Variants in TMEM132B observed in about 807,000 individuals in gnomAD.
TMEM132B encodes transmembrane protein 132B.
A neutral mutation model predicts 90.8 loss-of-function variants in TMEM132B; 18 were observed. The ratio of observed to expected loss-of-function variants is 0.20; its 90% CI spans 0.14 to 0.29. The LOEUF is 0.29. Ranked by LOEUF, TMEM132B falls within the 10% of genes least tolerant of loss-of-function variation. TMEM132B has a pLI of 1.00. For synonymous variants in TMEM132B, 504 were observed against 523.3 expected, an observed-to-expected ratio of 0.96 and a Z score of 0.50; for missense variants, 1,096 against 1,326.8, an observed-to-expected ratio of 0.83 and a Z score of 2.70.
intron 4 of TMEM132B, among the ~76,000 whole-genome samples, chr12:125,553,059 T>A (rs1423360133): frequency 6.6e-6 from 1 of 152,232 alleles, no homozygotes; most frequent in African/African-American, 2.4e-5. Flanking sequence ...ATTTAGGATT[T>A]TACTAGGACA....
At chr12:125,609,614 G>A (rs947358109) in intron 5 of TMEM132B, among the ~76,000 whole-genome samples, 1 of 151,810 alleles carries the variant, frequency 6.6e-6, no homozygotes, top group African/African-American at 2.4e-5. Context: ...AGGAGATCCA[G>A]ACCATCCTGG....
At chr12:125,382,227 C>T (rs189765720) in intron 2 of TMEM132B, among the ~76,000 whole-genome samples, 13 of 152,304 alleles carry the variant, frequency 8.5e-5, no homozygotes, top group Admixed American at 7.2e-4. Flanking sequence ...TCTCCAGGCT[C>T]CTAAAGTGCA....
At chr12:125,312,126 T>A (rs1876138457) in intron 1 of TMEM132B, among the ~76,000 whole-genome samples, 1 of 152,224 alleles carries the variant, frequency 6.6e-6, no homozygotes, top group Non-Finnish European at 1.5e-5. Flanking sequence ...TGCTGTCAGA[T>A]CTTCCAGTTT....
intron 4 of TMEM132B, among the ~76,000 whole-genome samples, chr12:125,542,629 AAGGCTCATCCATGT>A (rs1162661251): frequency 6.6e-6 from 1 of 152,164 alleles, no homozygotes; most frequent in Non-Finnish European, 1.5e-5. Context: ...TGTTGTCCTC[AAGGCTCATCCATGT>A]AGCATGTGTC....
intron 1 of TMEM132B, among the ~76,000 whole-genome samples, chr12:125,287,355 C>A (rs909072605): frequency 9.9e-5 from 15 of 152,168 alleles, no homozygotes; most frequent in Non-Finnish European, 1.9e-4. Context: ...AACATCTTCA[C>A]AGGTTCTGGG....
intron 3 of TMEM132B, among the ~76,000 whole-genome samples, chr12:125,424,912 G>GGGATTCTTGCTAAGCCTACTTA (rs1415057171): frequency 1.3e-5 from 2 of 152,134 alleles, no homozygotes; most frequent in African/African-American, 4.8e-5. Context: ...CAAGGGTAGG[G>GGGATTCTTGCTAAGCCTACTTA]GGATTCTTGC....
chr12:125,242,899 T>G (rs1373440948), intron 1 of TMEM132B, among the ~76,000 whole-genome samples: 1 of 152,040 alleles, frequency 6.6e-6, no homozygotes, highest in Non-Finnish European at 1.5e-5. Context: ...CACTTTGCTG[T>G]GCAGCCACCA....
intron 3 of TMEM132B, among the ~76,000 whole-genome samples, chr12:125,420,666 T>C (rs960479109): frequency 6.6e-6 from 1 of 152,242 alleles, no homozygotes. Context: ...TCATTACATA[T>C]GCAAGTTTCT....
At chr12:125,434,640 G>A (rs1814500) in intron 3 of TMEM132B, among the ~76,000 whole-genome samples, 83,850 of 152,014 alleles carry the variant, frequency 0.55, 24,973 homozygotes, top group African/African-American at 0.79. Context: ...GTCAGACGTC[G>A]CGTTCCATCG....
At chr12:125,286,891 C>T (rs1005556771) in intron 1 of TMEM132B, among the ~76,000 whole-genome samples, 3 of 152,184 alleles carry the variant, frequency 2.0e-5, no homozygotes, top group East Asian at 1.9e-4. Flanking sequence ...TTAGTAGAGA[C>T]GAGGTTTCAC....
At chr12:125,374,302 G>C (rs568049420) in intron 2 of TMEM132B, among the ~76,000 whole-genome samples, 6 of 152,278 alleles carry the variant, frequency 3.9e-5, no homozygotes, top group African/African-American at 1.4e-4. Context: ...TCTGTCTGGA[G>C]GCTCATTCTT....
At chr12:125,430,449 T>G (rs1181946179) in intron 3 of TMEM132B, among the ~76,000 whole-genome samples, 3 of 152,188 alleles carry the variant, frequency 2.0e-5, no homozygotes, top group African/African-American at 4.8e-5. Flanking sequence ...GAAATGCTGT[T>G]GGCTCTGAGA....
At chr12:125,266,367 C>T (rs1874695025) in intron 1 of TMEM132B, among the ~76,000 whole-genome samples, 1 of 152,238 alleles carries the variant, frequency 6.6e-6, no homozygotes, top group African/African-American at 2.4e-5. Context: ...TGAGCATTGA[C>T]TTATGTGAAT....
At chr12:125,449,149 A>G (rs1344183824) in intron 3 of TMEM132B, among the ~76,000 whole-genome samples, 1 of 151,784 alleles carries the variant, frequency 6.6e-6, no homozygotes, top group African/African-American at 2.4e-5. Flanking sequence ...TTGTATTTTT[A>G]GTTGAGATGG....
intron 3 of TMEM132B, among the ~76,000 whole-genome samples, chr12:125,447,670 T>C (rs921841367): frequency 2.6e-5 from 4 of 152,234 alleles, no homozygotes; most frequent in Admixed American, 2.0e-4. Context: ...ATAGGTATTC[T>C]ATTTAGTAGT....
At chr12:125,524,265 G>T (rs1236806191) in intron 4 of TMEM132B, among the ~76,000 whole-genome samples, 1 of 152,252 alleles carries the variant, frequency 6.6e-6, no homozygotes, top group Non-Finnish European at 1.5e-5. Context: ...AGTCATGTAT[G>T]TAAAGGGAAA....
chr12:125,231,773 A>C (rs550896868), intron 1 of TMEM132B, among the ~76,000 whole-genome samples: 6,363 of 152,016 alleles, frequency 0.042, 146 homozygotes, highest in Non-Finnish European at 0.049. Context: ...TAAAAAAAAA[A>C]CCCAAAGGCT....
chr12:125,564,833 C>T (rs996370953), intron 4 of TMEM132B, among the ~76,000 whole-genome samples: 4 of 152,328 alleles, frequency 2.6e-5, no homozygotes, highest in South Asian at 4.1e-4. Context: ...GAGACAGCCA[C>T]GCAAACCCTG....
intron 1 of TMEM132B, among the ~76,000 whole-genome samples, chr12:125,321,863 G>A (rs1186383770): frequency 6.6e-6 from 1 of 151,152 alleles, no homozygotes; most frequent in Non-Finnish European, 1.5e-5. Flanking sequence ...AAAAAAAAAA[G>A]ACCTGTTTAT....
Sources: gnomAD v4.1 joint callset for allele counts (sites outside exome capture counted in the v4.1 genomes callset) on GRCh38, gnomAD v4.1.1 for gene constraint, MANE v1.5 for transcripts, NCBI Gene and HGNC (gene_info 2026-07-23, HGNC 2026-07-21) for gene names.